TEX14: variants seen among roughly 807,000 people sequenced by gnomAD.
TEX14 encodes inactive serine/threonine-protein kinase TEX14.
Under a neutral mutation model 178.6 loss-of-function variants are expected in TEX14, and 168 were observed. The observed-to-expected ratio is 0.94, with a 90% CI of 0.83 to 1.07. TEX14 has a LOEUF of 1.07. Ranked by LOEUF, TEX14 falls within the 50% of genes least tolerant of loss-of-function variation. TEX14 has a pLI of 0.00. For missense variants in TEX14, 1,730 were observed against 1,753.6 expected, an observed-to-expected ratio of 0.99 and a Z score of 0.24; for synonymous variants, 626 against 634.1, an observed-to-expected ratio of 0.99 and a Z score of 0.19.
rs147932491 is a variant in TEX14, at chr17:58,557,919, A to C, written c.4268-69T>G. ...TCTAGGTCAAAGGGTGCCAGTATTC[A>C]TATTAGTGCTCCCTCTAATTTAGAG... On this transcript the variant is annotated intron_variant, in intron 30 of 31. Coordinates refer to ENST00000349033, the MANE Select transcript of TEX14 (RefSeq NM_031272.5). 313 of 1,171,812 alleles carry C rather than the reference A, an allele frequency of 2.7e-4. 1 individual carries two copies. The African/African-American group carries it at 3.8e-3, about 14-fold the overall frequency. The allele number at this position is 1,171,812 out of a possible 1,614,324, so 72.6% of individuals were successfully genotyped here. A position where few individuals can be genotyped will look rare whatever the true frequency, so the allele number is the denominator to read the frequency against.
At chr17:58,659,456 T>C (rs2047061741) in intron 1 of TEX14, 1 of 355,958 alleles carries the variant, frequency 2.8e-6, no homozygotes. Context: ...TGGTATTCGC[T>C]AGAAAATTTC....
intron 1 of TEX14, among the ~76,000 whole-genome samples, chr17:58,676,279 G>A (rs999763411): frequency 1.3e-5 from 2 of 152,126 alleles, no homozygotes; most frequent in African/African-American, 4.8e-5. Flanking sequence ...AGGAGGTTGA[G>A]GCAGGAGAAT....
intron 27 of TEX14, 51 bp from the exon 28 acceptor site, chr17:58,565,019 A>G (rs2044368871): frequency 1.6e-6 from 2 of 1,252,504 alleles, no homozygotes; most frequent in Non-Finnish European, 2.3e-6. Flanking sequence ...AAAAATTGAG[A>G]AAGCTTGCCT....
rs1336848585 is a variant in TEX14 at position 58,587,977 on chromosome 17, T to C, written c.2621A>G (p.Gln874Arg). Residue 874 changes from glutamine (Q) to arginine (R), a missense_variant, in exon 16 of 32, where the codon CAG becomes CGG. This residue lies in a region of TEX14 where 941 missense variants were observed against 1,072.4 expected (regional missense o/e 0.88). Coordinates refer to ENST00000349033, the MANE Select transcript of TEX14 (RefSeq NM_031272.5). ...CAGAGTGAAGAGTGCACTATTAAAC[T>C]GTGTGGCTTTGGCTTGGGCAGTGGA... ...RESTAQAKATQFNSALFTLSS... is the reference protein window; with the variant it reads ...RESTAQAKATRFNSALFTLSS... 3 of 1,598,488 alleles carry C rather than the reference T, an allele frequency of 1.9e-6. No individual in the cohort carries two copies. The highest frequency in any genetic ancestry group is 2.2e-5 in the East Asian group (1 of 44,726).
intron 10 of TEX14, among the ~76,000 whole-genome samples, chr17:58,609,123 T>C (rs923871259): frequency 4.6e-5 from 7 of 152,212 alleles, no homozygotes; most frequent in Admixed American, 1.3e-4. Context: ...CCTGCTTTTT[T>C]TCTTGAGACA....
chr17:58,638,827 A>C (rs1309288273), intron 2 of TEX14, among the ~76,000 whole-genome samples: 1 of 147,934 alleles, frequency 6.8e-6, no homozygotes, highest in Non-Finnish European at 1.5e-5. Flanking sequence ...GGCATGAGCC[A>C]CTGCGACCGG....
At chr17:58,636,366 A>G (rs1334531354) in intron 2 of TEX14, among the ~76,000 whole-genome samples, 1 of 152,210 alleles carries the variant, frequency 6.6e-6, no homozygotes, top group Admixed American at 6.5e-5. Context: ...TGACATCCTA[A>G]TACCACCCTC....
At chr17:58,576,238 C>A (rs1447628615) in intron 21 of TEX14, among the ~76,000 whole-genome samples, 1 of 152,220 alleles carries the variant, frequency 6.6e-6, no homozygotes, top group Non-Finnish European at 1.5e-5. Flanking sequence ...GTAATCCCAG[C>A]ACTTTGGGAG....
chr17:58,559,583 G>A, intron 29 of TEX14, 21 bp from the exon 30 acceptor site: 1 of 1,254,258 alleles, frequency 8.0e-7, no homozygotes, highest in Non-Finnish European at 1.2e-6. Flanking sequence ...AATTATTTGG[G>A]GAATCAAAAC....
At chr17:58,640,015 T>C (rs1275074683) in intron 2 of TEX14, among the ~76,000 whole-genome samples, 1 of 152,128 alleles carries the variant, frequency 6.6e-6, no homozygotes, top group Non-Finnish European at 1.5e-5. Flanking sequence ...GTATACATAA[T>C]GGTAATAGCT....
intron 2 of TEX14, among the ~76,000 whole-genome samples, chr17:58,646,871 G>A (rs1009603668): frequency 1.3e-5 from 2 of 151,380 alleles, no homozygotes; most frequent in African/African-American, 4.9e-5. Context: ...AACTGAGTAG[G>A]ATACAATCAG....
intron 31 of TEX14, 25 bp from the exon 32 acceptor site, chr17:58,557,072 A>G (rs1040682538): frequency 2.5e-6 from 4 of 1,609,154 alleles, no homozygotes; most frequent in Non-Finnish European, 3.4e-6. Flanking sequence ...TTTAAAGAAC[A>G]AAAAAGGAAG....
intron 23 of TEX14, among the ~76,000 whole-genome samples, 199 bp downstream of exon 23, chr17:58,572,982 T>A (rs2044574453): frequency 1.3e-5 from 2 of 152,386 alleles, no homozygotes; most frequent in East Asian, 3.9e-4. Context: ...CAAAACCTCC[T>A]AACGGCTGCC....
intron 1 of TEX14, 50 bp from the exon 2 acceptor site, chr17:58,652,052 A>G: frequency 7.0e-7 from 1 of 1,424,100 alleles, no homozygotes; most frequent in Non-Finnish European, 9.3e-7. Flanking sequence ...CAGAAATGCA[A>G]GGAAACAACT....
At chr17:58,583,940 C>T (rs1446216757) in intron 19 of TEX14, among the ~76,000 whole-genome samples, 1 of 152,098 alleles carries the variant, frequency 6.6e-6, no homozygotes, top group Admixed American at 6.5e-5. Flanking sequence ...ATGTCAATGA[C>T]AATAAAAAAA....
intron 1 of TEX14, among the ~76,000 whole-genome samples, chr17:58,680,772 A>G (rs2047488520): frequency 6.6e-6 from 1 of 152,116 alleles, no homozygotes; most frequent in Non-Finnish European, 1.5e-5. Flanking sequence ...ACAAATTAGA[A>G]TTGGAGTTTC....
At chr17:58,594,356 C>CTT (rs1216981083) in intron 14 of TEX14, among the ~76,000 whole-genome samples, 2 of 141,670 alleles carry the variant, frequency 1.4e-5, no homozygotes, top group Non-Finnish European at 1.6e-5. Context: ...GAATCTTTTT[C>CTT]TTTTTTTTTT....
chr17:58,590,534 TTTGTTGTTGTTG>T (rs76273680), intron 15 of TEX14, among the ~76,000 whole-genome samples: 45 of 149,444 alleles, frequency 3.0e-4, no homozygotes, highest in East Asian at 8.0e-4. Context: ...TCCAACTATT[TTTGTTGTTGTTG>T]TTGTTGTTGT....
chr17:58,619,160 C>T (rs984671721), intron 5 of TEX14, among the ~76,000 whole-genome samples: 1 of 152,204 alleles, frequency 6.6e-6, no homozygotes, highest in African/African-American at 2.4e-5. Flanking sequence ...AGGCCTCCTG[C>T]CTTCCACTCT....
Sources: allele counts gnomAD v4.1 joint callset (sites outside exome capture counted in the v4.1 genomes callset), GRCh38; gene constraint gnomAD v4.1.1; regional missense constraint gnomAD v4.1.1; transcripts MANE v1.5; gene names NCBI Gene and HGNC (gene_info 2026-07-23, HGNC 2026-07-21).